The following SLCO3A1 variants were observed in gnomAD, a reference collection of about 807,000 sequenced individuals.
The protein encoded by SLCO3A1 is PGE1 transporter.
SLCO3A1 carries 27 observed loss-of-function variants against 63.1 expected under a neutral mutation model. The ratio of observed to expected loss-of-function variants is 0.43; its 90% CI spans 0.32 to 0.59. SLCO3A1 has a LOEUF of 0.59. Ranked by LOEUF, SLCO3A1 falls within the 20% of genes least tolerant of loss-of-function variation. The pLI is 0.09. For synonymous variants in SLCO3A1, 473 were observed against 409.9 expected (o/e 1.15, Z -1.86); for missense variants, 773 against 945.8 (o/e 0.82, Z 2.40).
chr15:92,156,750 A>G (rs1229159795), intron 9 of SLCO3A1, among the ~76,000 whole-genome samples: 1 of 152,230 alleles, frequency 6.6e-6, no homozygotes, highest in African/African-American at 2.4e-5. Flanking sequence ...GGTTGAATAG[A>G]GATTCCATGG....
At chr15:92,037,760 G>C (rs1409716332) in intron 2 of SLCO3A1, among the ~76,000 whole-genome samples, 1 of 152,224 alleles carries the variant, frequency 6.6e-6, no homozygotes, top group East Asian at 1.9e-4. Context: ...TGCTCCAGCA[G>C]TTCATTCAGG....
chr15:91,904,411 G>T (rs538565869), intron 1 of SLCO3A1, among the ~76,000 whole-genome samples: 1 of 150,752 alleles, frequency 6.6e-6, no homozygotes, highest in African/African-American at 2.4e-5. Context: ...GCCATTTGCA[G>T]GTGCGTGATA....
At chr15:91,890,965 G>A (rs920968902) in intron 1 of SLCO3A1, among the ~76,000 whole-genome samples, 6 of 152,192 alleles carry the variant, frequency 3.9e-5, no homozygotes, top group African/African-American at 9.6e-5. Flanking sequence ...GCCACGTAAT[G>A]TGTGCATTCT....
chr15:91,924,431 G>A (rs1462960110), intron 2 of SLCO3A1, among the ~76,000 whole-genome samples: 2 of 152,078 alleles, frequency 1.3e-5, no homozygotes, highest in Non-Finnish European at 2.9e-5. Context: ...AAACACACAC[G>A]GTAGCTTGCC....
intron 2 of SLCO3A1, among the ~76,000 whole-genome samples, chr15:92,081,985 T>C (rs1270082471): frequency 2.6e-5 from 4 of 152,272 alleles, no homozygotes; most frequent in African/African-American, 7.2e-5. Context: ...CTCTGTCATG[T>C]ACTGTGTGGA....
intron 10 of SLCO3A1, chr15:92,171,543 G>A (rs1157778232): frequency 2.0e-6 from 1 of 488,874 alleles, no homozygotes; most frequent in Non-Finnish European, 3.7e-6. Flanking sequence ...GGTTGGTCAT[G>A]TAGATAAATA....
chr15:92,092,014 A>G (rs2047483598), intron 2 of SLCO3A1, among the ~76,000 whole-genome samples: 1 of 152,102 alleles, frequency 6.6e-6, no homozygotes, highest in Admixed American at 6.5e-5. Context: ...ATCCCCAGTC[A>G]CTGGCCCATC....
intron 2 of SLCO3A1, among the ~76,000 whole-genome samples, chr15:92,082,567 C>T (rs1174404378): frequency 6.6e-6 from 1 of 152,190 alleles, no homozygotes; most frequent in Non-Finnish European, 1.5e-5. Flanking sequence ...CCTAGGGAGA[C>T]CAGCCATGCA....
intron 2 of SLCO3A1, among the ~76,000 whole-genome samples, chr15:92,027,122 A>T (rs2046584613): frequency 6.6e-6 from 1 of 152,028 alleles, no homozygotes; most frequent in Non-Finnish European, 1.5e-5. Flanking sequence ...GTACATTATT[A>T]AACAGATGGT....
At chr15:92,133,763 G>T (rs1430695817) in intron 7 of SLCO3A1, among the ~76,000 whole-genome samples, 1 of 112,784 alleles carries the variant, frequency 8.9e-6, no homozygotes, top group Non-Finnish European at 2.1e-5. Flanking sequence ...ATGGTGAATT[G>T]TATAATTACA....
intron 2 of SLCO3A1, among the ~76,000 whole-genome samples, chr15:92,062,335 C>G (rs2047096591): frequency 6.6e-6 from 1 of 152,138 alleles, no homozygotes; most frequent in South Asian, 2.1e-4. Flanking sequence ...GACCTGGGTC[C>G]AAGTCGGGTC....
chr15:91,888,853 A>C (rs916860801), intron 1 of SLCO3A1, among the ~76,000 whole-genome samples: 2 of 151,942 alleles, frequency 1.3e-5, no homozygotes, highest in East Asian at 3.9e-4. Flanking sequence ...AAAAAAAACA[A>C]CACCAATTAG....
chr15:91,974,574 G>T (rs28561596), intron 2 of SLCO3A1, among the ~76,000 whole-genome samples: 2 of 151,634 alleles, frequency 1.3e-5, no homozygotes, highest in Admixed American at 1.3e-4. Flanking sequence ...AGCGGGCAGA[G>T]CCAGGCAGGG....
At chr15:92,158,798 A>G (rs1392616736) in intron 9 of SLCO3A1, among the ~76,000 whole-genome samples, 1 of 152,238 alleles carries the variant, frequency 6.6e-6, no homozygotes, top group Non-Finnish European at 1.5e-5. Flanking sequence ...TTGTCCGCAC[A>G]CCTGCAGTTT....
chr15:92,095,889 TCTACTCAGAAATGACATACAGTGTTTCCC>T (rs2047532763), intron 3 of SLCO3A1, among the ~76,000 whole-genome samples: 1 of 152,172 alleles, frequency 6.6e-6, no homozygotes, highest in South Asian at 2.1e-4. Context: ...CCTTGAAACC[TCTACTCAGAAATGACATACAGTGTTTCCC>T]CTCATATTTC....
intron 2 of SLCO3A1, among the ~76,000 whole-genome samples, chr15:92,009,826 T>C (rs138630039): frequency 6.6e-6 from 1 of 152,350 alleles, no homozygotes; most frequent in East Asian, 1.9e-4. Context: ...GATGTTTCTT[T>C]CCTGAAGTCC....
chr15:92,086,805 G>A (rs1419251683), intron 2 of SLCO3A1, among the ~76,000 whole-genome samples: 2 of 152,008 alleles, frequency 1.3e-5, no homozygotes, highest in Admixed American at 6.5e-5. Context: ...GTGAAACCCC[G>A]TCTCTACTAA....
rs116152838 is a variant in SLCO3A1 at position 92,016,749 on chromosome 15, G to A, written c.647-78132G>A. 3.5e-3 allele frequency among the ~76,000 whole-genome samples: 532 copies of A among 152,284 alleles called. 4 individuals carry two copies. The highest frequency in any genetic ancestry group is 0.012 in the African/African-American group (514 of 41,540). On this transcript the variant is annotated intron_variant, in intron 2 of 9. Coordinates refer to ENST00000318445, the MANE Select transcript of SLCO3A1 (RefSeq NM_013272.4). ...AGGAAGAAGACCACAAAGACAGGGGGAGTGAGTGACAGATGGTCACAGTCA... is the reference window on the plus strand; with the variant it reads ...AGGAAGAAGACCACAAAGACAGGGGAAGTGAGTGACAGATGGTCACAGTCA...
intron 7 of SLCO3A1, among the ~76,000 whole-genome samples, chr15:92,146,479 C>G (rs960284291): frequency 2.1e-4 from 32 of 152,368 alleles, no homozygotes; most frequent in African/African-American, 7.2e-4. Flanking sequence ...GCCTTGCAGA[C>G]GCGGTGACTT....
Sources: allele counts gnomAD v4.1 joint callset (sites outside exome capture counted in the v4.1 genomes callset), GRCh38; gene constraint gnomAD v4.1.1; transcripts MANE v1.5; gene names NCBI Gene and HGNC (gene_info 2026-07-23, HGNC 2026-07-21).